PRICKLE1: variants seen among roughly 807,000 people sequenced by gnomAD.
The protein encoded by PRICKLE1 is prickle planar cell polarity protein 1, also known as prickle-like protein 1.
In PRICKLE1, 14 loss-of-function variants were observed where a neutral mutation model predicts 70.2. The ratio of observed to expected loss-of-function variants is 0.20; its 90% CI spans 0.13 to 0.31. The LOEUF is 0.31. Among genes scored for constraint, PRICKLE1 ranks in the 10% least tolerant of loss-of-function variants. The pLI is 1.00. For missense variants in PRICKLE1, 821 were observed against 1,026.2 expected, an observed-to-expected ratio of 0.80 and a Z score of 2.73; for synonymous variants, 357 against 379.9, an observed-to-expected ratio of 0.94 and a Z score of 0.70.
chr12:42,557,481 G>C (rs1338183029), intron 1 of PRICKLE1, among the ~76,000 whole-genome samples: 2 of 152,134 alleles, frequency 1.3e-5, no homozygotes, highest in Non-Finnish European at 2.9e-5. Context: ...AGTTTGCATC[G>C]TCCCTCCCCA....
At chr12:42,549,041 C>T (rs1481509112) in intron 1 of PRICKLE1, among the ~76,000 whole-genome samples, 1 of 149,798 alleles carries the variant, frequency 6.7e-6, no homozygotes, top group Non-Finnish European at 1.5e-5. Context: ...ATCGCTTGAA[C>T]CTGGGAGGCA....
At chr12:42,537,051 C>G (rs575472128) in intron 1 of PRICKLE1, among the ~76,000 whole-genome samples, 3 of 152,202 alleles carry the variant, frequency 2.0e-5, no homozygotes, top group Admixed American at 2.0e-4. Context: ...ACATAAAGAT[C>G]CTATTTAGGT....
intron 1 of PRICKLE1, among the ~76,000 whole-genome samples, chr12:42,518,673 G>T (rs1939653132): frequency 1.3e-5 from 2 of 152,130 alleles, no homozygotes; most frequent in African/African-American, 2.4e-5. Context: ...CTACATAGAA[G>T]TTGTAAGATG....
At chr12:42,565,227 C>A (rs747822146) in intron 1 of PRICKLE1, among the ~76,000 whole-genome samples, 4 of 152,130 alleles carry the variant, frequency 2.6e-5, no homozygotes, top group Non-Finnish European at 4.4e-5. Context: ...AGTGGGGCGG[C>A]CATCAGCTCT....
At chr12:42,467,263 C>G (rs1167093862) in intron 5 of PRICKLE1, among the ~76,000 whole-genome samples, 1 of 151,682 alleles carries the variant, frequency 6.6e-6, no homozygotes, top group Admixed American at 6.6e-5. Context: ...ACTAAAGGTG[C>G]ATGCCACCAT....
rs1028804241 is a variant in PRICKLE1 at position 42,575,680 on chromosome 12, C to T, written c.-49+13785G>A. ...TTGTACTCCAGCCTGGGTGACAGAG[C>T]GAAACTCCATCTCAAAAAAAAATAA... On this transcript the variant is annotated intron_variant, in intron 1 of 7. Transcript: ENST00000345127. 5.3e-5 allele frequency among the ~76,000 whole-genome samples: 8 copies of T among 150,460 alleles called. No individual in the cohort carries two copies. The East Asian group carries it at 7.7e-4, about 15-fold the overall frequency.
intron 1 of PRICKLE1, among the ~76,000 whole-genome samples, chr12:42,579,203 G>A: frequency 6.6e-6 from 1 of 152,244 alleles, no homozygotes; most frequent in Non-Finnish European, 1.5e-5. Context: ...ATTGGGGAGT[G>A]CTAGATGGTG....
intron 1 of PRICKLE1, among the ~76,000 whole-genome samples, chr12:42,508,630 A>G (rs1352712769): frequency 6.6e-6 from 1 of 152,188 alleles, no homozygotes; most frequent in Non-Finnish European, 1.5e-5. Context: ...TATGAAAAGA[A>G]ATTTGCTTTA....
intron 1 of PRICKLE1, among the ~76,000 whole-genome samples, chr12:42,512,678 G>A (rs895363756): frequency 6.6e-6 from 1 of 151,658 alleles, no homozygotes; most frequent in African/African-American, 2.4e-5. Flanking sequence ...TTTTGTGGGG[G>A]ATGGAGTCTC....
Position 42,500,212 on chromosome 12 carries a change from C to T in PRICKLE1, c.-48-27648G>A, listed in dbSNP as rs77658344. Among the ~76,000 whole-genome samples the T allele has an allele frequency of 7.7e-3, 1,167 of 152,336 alleles. 35 individuals carry two copies. The East Asian group carries it at 0.091, about 12-fold the overall frequency. Reference sequence around the variant, plus strand: ...CCAAAACATAGGGGACCCTCCAACACACACACCAACCCTGGAGATAATCAG... The same window carrying T: ...CCAAAACATAGGGGACCCTCCAACATACACACCAACCCTGGAGATAATCAG... On this transcript the variant is annotated intron_variant, in intron 1 of 7. Transcript: ENST00000345127.
At chr12:42,556,588 T>C (rs1940416554) in intron 1 of PRICKLE1, among the ~76,000 whole-genome samples, 1 of 152,216 alleles carries the variant, frequency 6.6e-6, no homozygotes, top group Non-Finnish European at 1.5e-5. Flanking sequence ...TCTAGATCCT[T>C]ATTCAGAAAT....
At chr12:42,518,377 T>C (rs1375209552) in intron 1 of PRICKLE1, among the ~76,000 whole-genome samples, 1 of 152,206 alleles carries the variant, frequency 6.6e-6, no homozygotes, top group Non-Finnish European at 1.5e-5. Flanking sequence ...TATGATCACT[T>C]GTCTACTAAC....
At chr12:42,472,666 G>A (rs1938372717) in intron 1 of PRICKLE1, 102 bp from the exon 2 acceptor site, 1 of 1,010,616 alleles carries the variant, frequency 9.9e-7, no homozygotes. Context: ...AGACAGCTGG[G>A]CCCAGAGAAA....
intron 1 of PRICKLE1, among the ~76,000 whole-genome samples, chr12:42,528,941 A>C (rs1419182123): frequency 6.6e-6 from 1 of 152,218 alleles, no homozygotes; most frequent in Non-Finnish European, 1.5e-5. Flanking sequence ...TTCATATGGA[A>C]ACCAAAAGAT....
chr12:42,512,093 C>T, intron 1 of PRICKLE1, among the ~76,000 whole-genome samples: 1 of 148,584 alleles, frequency 6.7e-6, no homozygotes, highest in East Asian at 2.0e-4. Flanking sequence ...CAGTGATGTG[C>T]CTGAATGCCC....
intron 1 of PRICKLE1, among the ~76,000 whole-genome samples, chr12:42,510,654 G>T (rs1323486832): frequency 6.6e-6 from 1 of 151,886 alleles, no homozygotes. Context: ...CTTTTTTAAT[G>T]AATAACTATC....
At chr12:42,538,327 A>G (rs1168230273) in intron 1 of PRICKLE1, among the ~76,000 whole-genome samples, 2 of 152,174 alleles carry the variant, frequency 1.3e-5, no homozygotes, top group African/African-American at 4.8e-5. Flanking sequence ...AAAAAAATAG[A>G]TGGTCTCCAT....
intron 1 of PRICKLE1, among the ~76,000 whole-genome samples, chr12:42,527,921 A>G (rs1488694285): frequency 2.9e-4 from 1 of 3,468 alleles, no homozygotes; most frequent in African/African-American, 9.4e-4. Flanking sequence ...TTTATAATAT[A>G]TATATATATA....
chr12:42,480,897 C>G (rs1268784553), intron 1 of PRICKLE1, among the ~76,000 whole-genome samples: 1 of 152,176 alleles, frequency 6.6e-6, no homozygotes, highest in African/African-American at 2.4e-5. Context: ...TGAATGGAGA[C>G]TGCCACAAGA....
Sources: allele counts gnomAD v4.1 joint callset (sites outside exome capture counted in the v4.1 genomes callset), GRCh38; gene constraint gnomAD v4.1.1; transcripts MANE v1.5; gene names NCBI Gene and HGNC (gene_info 2026-07-23, HGNC 2026-07-21).